The following TBC1D1 variants were observed in gnomAD, a reference collection of about 807,000 sequenced individuals.
The protein encoded by TBC1D1 is TBC1 domain family member 1.
Under a neutral mutation model 125.6 loss-of-function variants are expected in TBC1D1, and 89 were observed. The ratio of observed to expected loss-of-function variants is 0.71; its 90% confidence interval spans 0.60 to 0.85. The LOEUF (loss-of-function observed/expected upper bound fraction) is 0.85, where lower values mean the gene tolerates loss of function less well. TBC1D1 is among the 40% of genes least tolerant of loss of function. The pLI is 0.00. For missense variants in TBC1D1, 1,377 were observed against 1,469.2 expected (o/e 0.94, Z 1.03); for synonymous variants, 565 against 564.1 (o/e 1.00, Z -0.02).
chr4:38,076,034 G>T (rs1219919728), intron 12 of TBC1D1, among the ~76,000 whole-genome samples: 2 of 152,074 alleles, frequency 1.3e-5, no homozygotes, highest in African/African-American at 4.8e-5. Context: ...GACTTCTCTG[G>T]AGATAAGTCC....
intron 12 of TBC1D1, among the ~76,000 whole-genome samples, chr4:38,067,374 A>G (rs1471469565): frequency 6.6e-6 from 1 of 152,158 alleles, no homozygotes; most frequent in Non-Finnish European, 1.5e-5. Context: ...AGTTCTGGTG[A>G]TAAGTTATGG....
chr4:37,985,943 A>T (rs1735352911), intron 2 of TBC1D1, among the ~76,000 whole-genome samples: 1 of 150,170 alleles, frequency 6.7e-6, no homozygotes, highest in African/African-American at 2.4e-5. Context: ...AGGAATAGTG[A>T]GGAAATACTA....
chr4:38,124,255 G>T (rs553781792), intron 17 of TBC1D1, among the ~76,000 whole-genome samples: 10 of 152,300 alleles, frequency 6.6e-5, no homozygotes, highest in Admixed American at 1.3e-4. Flanking sequence ...TATGAGGAAG[G>T]TGAGACAGGG....
At chr4:37,932,499 C>A (rs1723467829) in intron 2 of TBC1D1, among the ~76,000 whole-genome samples, 1 of 152,132 alleles carries the variant, frequency 6.6e-6, no homozygotes, top group African/African-American at 2.4e-5. Context: ...CCCTTATGAA[C>A]AAGGATTATT....
rs569758737 is a variant in TBC1D1, at chr4:37,984,951, T to C, written c.418-29558T>C. ...AGGAAGACCTTTATTTGGTTATATT[T>C]ATGATATATATATTTTCTTGAGATG... On this transcript the variant is annotated intron_variant, in intron 2 of 19. Coordinates refer to ENST00000261439, the MANE Select transcript of TBC1D1 (RefSeq NM_015173.4). Among the ~76,000 whole-genome samples the C allele has an allele frequency of 5.3e-5, 8 of 152,188 alleles. No individual in the cohort carries two copies. The South Asian group carries it at 8.3e-4, about 16-fold the overall frequency.
intron 12 of TBC1D1, among the ~76,000 whole-genome samples, chr4:38,066,694 C>T (rs1051422597): frequency 1.7e-4 from 26 of 152,138 alleles, no homozygotes; most frequent in African/African-American, 6.3e-4. Context: ...CATGCCCCCC[C>T]TGGAGGGGAG....
intron 14 of TBC1D1, 50 bp downstream of exon 16, chr4:38,096,140 T>G (rs1377622793): frequency 6.7e-7 from 1 of 1,481,734 alleles, no homozygotes. Flanking sequence ...CATTGGTGAT[T>G]GGGGAGAAGT....
chr4:38,021,756 A>C (rs773603109), intron 6 of TBC1D1, 38 bp downstream of exon 6: 19 of 1,478,750 alleles, frequency 1.3e-5, no homozygotes. Flanking sequence ...ACACAGTGGG[A>C]GTTAAAGGTC....
In TBC1D1 at chr4:38,133,193, A is replaced by G; in HGVS notation, c.3242A>G (p.Asp1081Gly). Residue 1081 changes from aspartate (D) to glycine (G), a missense_variant, in exon 19 of 20, where the codon GAT (aspartate) becomes GGT (glycine). Asp to Gly is a moderately conservative substitution (Grantham distance 94). Around this residue, in one of 3 missense-constraint regions of TBC1D1, gnomAD observed 543 missense variants for 613.5 expected, o/e 0.89. Coordinates refer to ENST00000261439, the MANE Select transcript of TBC1D1 (RefSeq NM_015173.4). The stretch of plus-strand genomic sequence containing the variant: ...CCTCTCAGTGACAACCAAAGAATGG[A>G]TAAATTAGAGAAAACCAACAGCAGC... 6.2e-7 allele frequency: 1 copy of G among 1,614,230 alleles called. No individual in the cohort carries two copies. Among genetic ancestry groups the G allele is most frequent in the Non-Finnish European group, 8.5e-7 (1 of 1,180,034 alleles).
rs563633255 is a variant in TBC1D1, at chr4:37,939,852, T to C, written c.417+37340T>C. Among the ~76,000 whole-genome samples the C allele has an allele frequency of 1.1e-4, 16 of 152,354 alleles. 1 individual carries two copies. In the East Asian group the frequency reaches 2.5e-3, roughly 24 times the overall value. ...GGTTATAGATGCATGGTATTATTTC[T>C]GAGGGCTCTGTTCTGTTCCATTGGA... On this transcript the variant is annotated intron_variant, in intron 2 of 19. Transcript: ENST00000261439.
At chr4:38,085,172 A>G (rs778674710) in intron 12 of TBC1D1, among the ~76,000 whole-genome samples, 28 of 152,226 alleles carry the variant, frequency 1.8e-4, no homozygotes, top group Non-Finnish European at 3.1e-4. Context: ...CATCTAAAAT[A>G]TCGACATACC....
intron 14 of TBC1D1, among the ~76,000 whole-genome samples, chr4:38,096,594 A>G (rs1759385324): frequency 6.6e-6 from 1 of 152,184 alleles, no homozygotes; most frequent in South Asian, 2.1e-4. Context: ...TGTTGTGAGG[A>G]GCACACAGCA....
rs115189075 is a variant in TBC1D1, at chr4:38,136,418, C to T, written c.3307-717C>T. On this transcript the variant is annotated intron_variant, in intron 19 of 19. Coordinates refer to ENST00000261439, the MANE Select transcript of TBC1D1 (RefSeq NM_015173.4). ...GCAGAACACTTGGCCTTTCTAAGGA[C>T]TCCATATGTGTTCCGGGGTAAATGC... Among the ~76,000 whole-genome samples, 1,487 of 152,258 alleles carry T rather than the reference C, an allele frequency of 9.8e-3. 23 individuals carry two copies. The highest frequency in any genetic ancestry group is 0.034 in the African/African-American group (1,398 of 41,534).
At chr4:38,035,253 G>T (rs533374167) in intron 7 of TBC1D1, among the ~76,000 whole-genome samples, 1 of 152,260 alleles carries the variant, frequency 6.6e-6, no homozygotes, top group South Asian at 2.1e-4. Flanking sequence ...GGTCATCATG[G>T]CCCCTGACCT....
intron 1 of TBC1D1, among the ~76,000 whole-genome samples, chr4:37,900,405 ATCTTT>A (rs760376596): frequency 1.5e-4 from 13 of 88,980 alleles, no homozygotes; most frequent in African/African-American, 2.3e-4. Context: ...CAAAGGAAAT[ATCTTT>A]TTTTTTTTTT....
At chr4:37,992,148 C>T (rs1483065064) in intron 2 of TBC1D1, among the ~76,000 whole-genome samples, 2 of 152,250 alleles carry the variant, frequency 1.3e-5, no homozygotes, top group South Asian at 2.1e-4. Context: ...GAGGCTGACC[C>T]CATCAGACCT....
chr4:38,103,017 G>C lies in TBC1D1; in HGVS notation c.2417G>C (p.Arg806Pro). ...TTTAAAGGTGTGCCACGTCATCACC[G>C]AGGTGAAATCTGGAAATTTCTAGCT... Residue 806 changes from arginine to proline, a missense_variant, in exon 15 of 20, where the codon CGA becomes CCA. Transcript: ENST00000261439. The C allele has an allele frequency of 6.2e-7, 1 of 1,613,902 alleles. No individual in the cohort carries two copies. Among genetic ancestry groups the C allele is most frequent in the Non-Finnish European group, 8.5e-7 (1 of 1,179,956 alleles).
At chr4:37,924,335 G>T (rs1241035935) in intron 2 of TBC1D1, among the ~76,000 whole-genome samples, 3 of 152,168 alleles carry the variant, frequency 2.0e-5, no homozygotes, top group African/African-American at 4.8e-5. Context: ...AATGACAGAA[G>T]AAATATCTAC....
intron 2 of TBC1D1, among the ~76,000 whole-genome samples, chr4:37,969,858 C>T (rs1456429479): frequency 6.6e-6 from 1 of 152,194 alleles, no homozygotes; most frequent in Non-Finnish European, 1.5e-5. Context: ...AAAACATTGT[C>T]ATCACTGCAA....
Sources: gnomAD v4.1 joint callset for allele counts (sites outside exome capture counted in the v4.1 genomes callset) on GRCh38, gnomAD v4.1.1 for gene constraint, gnomAD v4.1.1 regional missense constraint, MANE v1.5 for transcripts, NCBI Gene and HGNC (gene_info 2026-07-23, HGNC 2026-07-21) for gene names.